RARRES1: variants seen among roughly 807,000 people sequenced by gnomAD.
RARRES1 encodes the protein retinoic acid receptor responder protein 1.
Under a neutral mutation model 30.6 loss-of-function variants are expected in RARRES1, and 34 were observed. The observed-to-expected ratio is 1.11, with a 90% CI of 0.84 to 1.48. The LOEUF (loss-of-function observed/expected upper bound fraction) is 1.48, where lower values mean the gene tolerates loss of function less well. Among genes scored for constraint, RARRES1 ranks in the 40% most tolerant of loss-of-function variants. RARRES1 has a pLI of 0.00. For missense variants in RARRES1, 373 were observed against 386.5 expected (o/e 0.97, Z 0.29); for synonymous variants, 153 against 155.5 (o/e 0.98, Z 0.12).
chr3:158,718,887 C>T (rs1727410136), intron 1 of RARRES1, among the ~76,000 whole-genome samples: 1 of 152,090 alleles, frequency 6.6e-6, no homozygotes. Flanking sequence ...TTGAAACAGC[C>T]AAATCTGACA....
intron 1 of RARRES1, among the ~76,000 whole-genome samples, chr3:158,724,606 G>C (rs1727622734): frequency 6.6e-6 from 1 of 152,128 alleles, no homozygotes; most frequent in African/African-American, 2.4e-5. Flanking sequence ...TTTTGGCCCA[G>C]GGAGACCCAT....
chr3:158,703,420 C>CA (rs201590819), intron 4 of RARRES1, among the ~76,000 whole-genome samples: 1,878 of 151,910 alleles, frequency 0.012, 50 homozygotes, highest in African/African-American at 0.043. Flanking sequence ...GTCTCCCAAC[C>CA]AAAAAAAATG....
At chr3:158,732,064 G>C in intron 1 of RARRES1, 76 bp downstream of exon 1, 1 of 1,231,762 alleles carries the variant, frequency 8.1e-7, no homozygotes, top group South Asian at 2.7e-5. Context: ...CGGCAGGCGC[G>C]CGTACCCAGG....
At chr3:158,698,439 G>A (rs983526072) in intron 4 of RARRES1, among the ~76,000 whole-genome samples, 2 of 152,156 alleles carry the variant, frequency 1.3e-5, no homozygotes, top group Admixed American at 6.6e-5. Flanking sequence ...GGTTTTACAG[G>A]AGAGGTAATT....
chr3:158,732,437 G>T lies in RARRES1; in HGVS notation c.-22C>A. 1.3e-6 allele frequency: 2 copies of T among 1,517,480 alleles called. No homozygotes were observed. Among genetic ancestry groups the T allele is most frequent in the Non-Finnish European group, 1.8e-6 (2 of 1,137,784 alleles). The allele number at this position is 1,517,480 out of a possible 1,614,324, so 94.0% of individuals were successfully genotyped here. A position where few individuals can be genotyped will look rare whatever the true frequency, so the allele number is the denominator to read the frequency against. On this transcript the variant is annotated 5_prime_UTR_variant, in exon 1 of 6. Transcript: ENST00000237696. Reference sequence around the variant, plus strand: ...GCATGGACGCAGGAAAGTTGGCTCGGCACCCGACAGACACGGGCTCGGAGC... The same window carrying T: ...GCATGGACGCAGGAAAGTTGGCTCGTCACCCGACAGACACGGGCTCGGAGC...
At chr3:158,701,163 A>G (rs900880267) in intron 4 of RARRES1, among the ~76,000 whole-genome samples, 33 of 152,162 alleles carry the variant, frequency 2.2e-4, no homozygotes, top group Admixed American at 2.0e-3. Context: ...GAGTTAGAAC[A>G]ATACTCAGCT....
At chr3:158,705,038 A>T (rs1182042965) in intron 3 of RARRES1, 111 bp from the exon 4 acceptor site, 1 of 1,366,580 alleles carries the variant, frequency 7.3e-7, no homozygotes, top group African/African-American at 1.5e-5. Context: ...CATCTCTCTC[A>T]CAGCAAGACC....
intron 1 of RARRES1, among the ~76,000 whole-genome samples, chr3:158,717,996 T>TTG (rs34765824): frequency 6.6e-6 from 1 of 151,654 alleles, no homozygotes; most frequent in Non-Finnish European, 1.5e-5. Flanking sequence ...TTTTTTTTTT[T>TTG]GAGACAGAGT....
At chr3:158,710,980 GCACACAAGCA>G (rs1435428133) in intron 2 of RARRES1, 47 bp from the exon 3 acceptor site, 1 of 1,491,798 alleles carries the variant, frequency 6.7e-7, no homozygotes. Flanking sequence ...TCACCCCAGT[GCACACAAGCA>G]CACACAAGAT....
intron 1 of RARRES1, among the ~76,000 whole-genome samples, chr3:158,731,550 A>G (rs1231403651): frequency 2.0e-5 from 3 of 152,226 alleles, no homozygotes; most frequent in Non-Finnish European, 4.4e-5. Context: ...ACTCACTTCT[A>G]ATTAGATCAA....
At position 158,710,832 on chromosome 3, in the gene RARRES1, C is replaced by T; in HGVS notation, c.441G>A (p.Arg147=). The change falls in exon 3 of 6, where the codon CGG becomes CGA. Residue 147 remains arginine, a synonymous_variant. Coordinates refer to ENST00000237696, the MANE Select transcript of RARRES1 (RefSeq NM_206963.2). ...GTTGTCTTTTCTTTTTCTCGATGAG[C>T]CGTGTACAAGTTACATTGATGGTTG... ...PRPTINVTCT[R]LIEKKKRQQE... is the part of the protein sequence containing the mutation. 1 of 1,613,338 alleles carries T rather than the reference C, an allele frequency of 6.2e-7. No individual in the cohort carries two copies. The highest frequency in any genetic ancestry group is 8.5e-7 in the Non-Finnish European group (1 of 1,179,412).
At chr3:158,704,983 A>C (rs1329780020) in intron 3 of RARRES1, 56 bp from the exon 4 acceptor site, 1 of 1,571,062 alleles carries the variant, frequency 6.4e-7, no homozygotes, top group African/African-American at 1.4e-5. Flanking sequence ...ACAAAATCTC[A>C]GAAGTTGCAG....
At chr3:158,701,996 G>C (rs1726742146) in intron 4 of RARRES1, among the ~76,000 whole-genome samples, 1 of 151,966 alleles carries the variant, frequency 6.6e-6, no homozygotes, top group South Asian at 2.1e-4. Flanking sequence ...AAAACTCTTA[G>C]TCAATGACCA....
chr3:158,724,132 T>C (rs572602782), intron 1 of RARRES1, among the ~76,000 whole-genome samples: 1 of 152,062 alleles, frequency 6.6e-6, no homozygotes, highest in East Asian at 1.9e-4. Context: ...CATGTGAGGT[T>C]AGCAAGGCTG....
rs1226415706 is a variant in RARRES1 at position 158,706,793 on chromosome 3, G to T, written c.536-1866C>A. Among the ~76,000 whole-genome samples, 3 of 152,230 alleles carry T rather than the reference G, an allele frequency of 2.0e-5. No individual in the cohort carries two copies. In the South Asian group the frequency reaches 6.2e-4, roughly 31 times the overall value. On this transcript the variant is annotated intron_variant, in intron 3 of 5. Coordinates refer to ENST00000237696, the MANE Select transcript of RARRES1 (RefSeq NM_206963.2). ...TAAATGTAGGACAGAAAGTGGGAAC[G>T]TTTTGGGTGAAAACAAGTTGAGTTT...
Position 158,723,257 on chromosome 3 carries a change from C to T in RARRES1, c.276+8883G>A, listed in dbSNP as rs1227864870. On this transcript the variant is annotated intron_variant, in intron 1 of 5. Coordinates refer to ENST00000237696, the MANE Select transcript of RARRES1 (RefSeq NM_206963.2). The surrounding 1 kb of genome is among the most constrained non-coding windows in gnomAD (Gnocchi z 4.4). ...TCTAACAGACTCAGCTCCTAAATGT[C>T]GCCTCCAGCATTCACATTTGATAAG... Among the ~76,000 whole-genome samples, 1 of 152,170 alleles carries T rather than the reference C, an allele frequency of 6.6e-6. No individual in the cohort carries two copies. The highest frequency in any genetic ancestry group is 6.5e-5 in the Admixed American group (1 of 15,280).
rs990666596 is a variant in RARRES1 at position 158,729,695 on chromosome 3, G to T, written c.276+2445C>A. Among the ~76,000 whole-genome samples, 6 of 151,956 alleles carry T rather than the reference G, an allele frequency of 3.9e-5. No individual in the cohort carries two copies. The East Asian group carries it at 1.2e-3, about 30-fold the overall frequency. ...TCTTGAACTCCTGACCTTGTAATCT[G>T]CCCACCTCGGCCTCCCAAAGTGCTG... On this transcript the variant is annotated intron_variant, in intron 1 of 5. Transcript: ENST00000237696.
chr3:158,702,462 C>G (rs1046120099), intron 4 of RARRES1, among the ~76,000 whole-genome samples: 4 of 152,182 alleles, frequency 2.6e-5, no homozygotes. Flanking sequence ...GAGGGAAATA[C>G]ACCTGCTATT....
chr3:158,724,471 T>A (rs1013599636), intron 1 of RARRES1, among the ~76,000 whole-genome samples: 1 of 152,172 alleles, frequency 6.6e-6, no homozygotes, highest in South Asian at 2.1e-4. Flanking sequence ...AATCAGAAGA[T>A]GCTATGCTGT....
Sources: gnomAD v4.1 joint callset for allele counts (sites outside exome capture counted in the v4.1 genomes callset) on GRCh38, gnomAD v4.1.1 for gene constraint, Gnocchi (gnomAD v3.1) non-coding constraint, MANE v1.5 for transcripts, NCBI Gene and HGNC (gene_info 2026-07-23, HGNC 2026-07-21) for gene names.